SLC35F3: variants seen among roughly 807,000 people sequenced by gnomAD.
The protein encoded by SLC35F3 is putative thiamine transporter SLC35F3.
In SLC35F3, 25 loss-of-function variants were observed where a neutral mutation model predicts 49.9. The observed-to-expected ratio is 0.50, with a 90% CI of 0.37 to 0.70. The LOEUF is 0.70. Among genes scored for constraint, SLC35F3 ranks in the 30% least tolerant of loss-of-function variants. The pLI is 0.00. For synonymous variants in SLC35F3, 275 were observed against 265.4 expected (o/e 1.04, Z -0.35); for missense variants, 525 against 639.8 (o/e 0.82, Z 1.94).
chr1:233,908,355 A>G (rs1175450311), intron 2 of SLC35F3, among the ~76,000 whole-genome samples: 1 of 152,152 alleles, frequency 6.6e-6, no homozygotes, highest in African/African-American at 2.4e-5. Context: ...CTTGTAGCAG[A>G]AGAAACCATT....
At chr1:234,040,907 A>G (rs1400520178) in intron 2 of SLC35F3, among the ~76,000 whole-genome samples, 1 of 151,994 alleles carries the variant, frequency 6.6e-6, no homozygotes, top group African/African-American at 2.4e-5. Context: ...ATTCAACCAG[A>G]CTCTGCAGCT....
chr1:233,910,112 A>G (rs1196856582), intron 2 of SLC35F3, among the ~76,000 whole-genome samples: 1 of 152,258 alleles, frequency 6.6e-6, no homozygotes, highest in Non-Finnish European at 1.5e-5. Flanking sequence ...TTTAGAATTC[A>G]GGAGACTCTG....
chr1:233,913,949 A>G (rs1283911985), intron 2 of SLC35F3, among the ~76,000 whole-genome samples: 1 of 152,226 alleles, frequency 6.6e-6, no homozygotes, highest in African/African-American at 2.4e-5. Flanking sequence ...GGAATCAAAT[A>G]TGTGTTCTAC....
At chr1:233,985,785 A>G (rs1663257429) in intron 2 of SLC35F3, among the ~76,000 whole-genome samples, 1 of 152,260 alleles carries the variant, frequency 6.6e-6, no homozygotes, top group South Asian at 2.1e-4. Context: ...TACTGGAACC[A>G]TAGCTGTCCA....
At chr1:234,252,270 G>A (rs761259486) in intron 3 of SLC35F3, among the ~76,000 whole-genome samples, 10 of 152,118 alleles carry the variant, frequency 6.6e-5, no homozygotes, top group South Asian at 2.1e-4. Flanking sequence ...GTGTTTCACC[G>A]TGTTGGTCAG....
chr1:234,098,548 G>C (rs1489635898), intron 2 of SLC35F3, among the ~76,000 whole-genome samples: 14 of 151,158 alleles, frequency 9.3e-5, no homozygotes, highest in South Asian at 2.1e-4. Flanking sequence ...GATGGTGGTG[G>C]TGATTATTGG....
At chr1:234,142,046 C>T (rs530565197) in intron 2 of SLC35F3, among the ~76,000 whole-genome samples, 2 of 152,186 alleles carry the variant, frequency 1.3e-5, no homozygotes, top group Non-Finnish European at 2.9e-5. Flanking sequence ...GATGGTAGCC[C>T]CTTGGTAAAT....
At chr1:234,141,884 C>T (rs1326009358) in intron 2 of SLC35F3, among the ~76,000 whole-genome samples, 1 of 152,208 alleles carries the variant, frequency 6.6e-6, no homozygotes, top group Non-Finnish European at 1.5e-5. Flanking sequence ...AGGCAGCCAG[C>T]CCTCCTCACT....
intron 2 of SLC35F3, among the ~76,000 whole-genome samples, chr1:234,059,150 ATTG>A (rs1475491270): frequency 6.8e-6 from 1 of 147,266 alleles, no homozygotes; most frequent in Non-Finnish European, 1.5e-5. Flanking sequence ...ATTTTTCTCT[ATTG>A]TTTTTCTATT....
intron 2 of SLC35F3, among the ~76,000 whole-genome samples, chr1:233,961,993 C>T (rs556677312): frequency 4.5e-4 from 67 of 150,138 alleles, no homozygotes; most frequent in African/African-American, 1.4e-3. Flanking sequence ...GATCATGGGG[C>T]GATCATTCTT....
chr1:234,254,342 G>A (rs1043409481), intron 3 of SLC35F3, among the ~76,000 whole-genome samples: 29 of 152,266 alleles, frequency 1.9e-4, no homozygotes, highest in African/African-American at 6.0e-4. Context: ...AACCAAGAAG[G>A]CTCCCACCAG....
intron 3 of SLC35F3, among the ~76,000 whole-genome samples, chr1:234,250,059 G>A (rs898972665): frequency 6.6e-6 from 1 of 152,166 alleles, no homozygotes; most frequent in Non-Finnish European, 1.5e-5. Context: ...GGAGAAGAAG[G>A]AAATTATAGG....
intron 2 of SLC35F3, among the ~76,000 whole-genome samples, chr1:233,920,034 G>A (rs916341564): frequency 6.6e-6 from 1 of 152,164 alleles, no homozygotes; most frequent in Non-Finnish European, 1.5e-5. Context: ...TGTTGTTAAT[G>A]CCGTTTGCAG....
At chr1:234,137,080 A>G (rs1665822912) in intron 2 of SLC35F3, among the ~76,000 whole-genome samples, 1 of 152,246 alleles carries the variant, frequency 6.6e-6, no homozygotes, top group South Asian at 2.1e-4. Context: ...AAGCACCATG[A>G]GTGAACTGGA....
chr1:234,012,252 C>G (rs1315119537), intron 2 of SLC35F3, among the ~76,000 whole-genome samples: 1 of 152,216 alleles, frequency 6.6e-6, no homozygotes, highest in Non-Finnish European at 1.5e-5. Flanking sequence ...TCTCCTATCT[C>G]AGAATTGAAC....
rs1281245482 is a variant in SLC35F3 at position 234,311,129 on chromosome 1, GTC to G, written c.828+1815_828+1816del. Among the ~76,000 whole-genome samples, 4 of 152,332 alleles carry G rather than the reference GTC, an allele frequency of 2.6e-5. No homozygotes were observed. The East Asian group carries it at 5.8e-4, about 22-fold the overall frequency. ...TTTGCAAAGCACTGTGCAGTTATGA[GTC>G]TCTCTAATAATCATTATTCCTCTCC... On this transcript the variant is annotated intron_variant, in intron 4 of 7. Transcript: ENST00000366618.
At chr1:233,973,660 G>C (rs1216869571) in intron 2 of SLC35F3, among the ~76,000 whole-genome samples, 1 of 152,166 alleles carries the variant, frequency 6.6e-6, no homozygotes, top group Non-Finnish European at 1.5e-5. Flanking sequence ...GTATGCACAG[G>C]TCTCTTTGGC....
At chr1:234,294,469 A>G (rs1572139077) in intron 3 of SLC35F3, among the ~76,000 whole-genome samples, 1 of 152,166 alleles carries the variant, frequency 6.6e-6, no homozygotes, top group East Asian at 1.9e-4. Flanking sequence ...CTAGTTCTAG[A>G]CTCAGCCCTG....
At chr1:233,982,209 G>A (rs1572007787) in intron 2 of SLC35F3, among the ~76,000 whole-genome samples, 1 of 152,208 alleles carries the variant, frequency 6.6e-6, no homozygotes, top group Non-Finnish European at 1.5e-5. Context: ...ACCGGCATGA[G>A]CCATGACGCC....
Sources: allele counts gnomAD v4.1 joint callset (sites outside exome capture counted in the v4.1 genomes callset), GRCh38; gene constraint gnomAD v4.1.1; transcripts MANE v1.5; gene names NCBI Gene and HGNC (gene_info 2026-07-23, HGNC 2026-07-21).